The following COL22A1 variants were observed in gnomAD, a reference collection of about 807,000 sequenced individuals.
The protein encoded by COL22A1 is collagen alpha-1(XXII) chain.
In COL22A1, 221 loss-of-function variants were observed where a neutral mutation model predicts 248.9. The ratio of observed to expected loss-of-function variants is 0.89; its 90% CI spans 0.80 to 0.99. COL22A1 has a LOEUF of 0.99. Ranked by LOEUF, COL22A1 falls within the 50% of genes least tolerant of loss-of-function variation. The pLI is 0.00. For synonymous variants in COL22A1, 891 were observed against 793.4 expected (o/e 1.12, Z -2.07); for missense variants, 2,240 against 2,179.0 (o/e 1.03, Z -0.56).
chr8:138,907,561 C>T (rs1379376007), intron 1 of COL22A1, among the ~76,000 whole-genome samples: 1 of 152,246 alleles, frequency 6.6e-6, no homozygotes, highest in Admixed American at 6.5e-5. Context: ...CATCTATTTA[C>T]TTTCTCATTC....
intron 1 of COL22A1, among the ~76,000 whole-genome samples, chr8:138,901,358 G>GTTTTGTTTT (rs1814538491): frequency 7.6e-6 from 1 of 131,514 alleles, no homozygotes; most frequent in African/African-American, 2.8e-5. Flanking sequence ...TTACTGGCAG[G>GTTTTGTTTT]TTTTTTTTTT....
chr8:138,652,778 G>A (rs1265259281), intron 45 of COL22A1, among the ~76,000 whole-genome samples: 1 of 79,414 alleles, frequency 1.3e-5, no homozygotes, highest in African/African-American at 4.5e-5. Context: ...ACAGAGTCTT[G>A]CTCTGTCACC....
At chr8:138,835,004 G>C (rs558753753) in intron 4 of COL22A1, among the ~76,000 whole-genome samples, 1 of 152,248 alleles carries the variant, frequency 6.6e-6, no homozygotes, top group African/African-American at 2.4e-5. Context: ...AGTGAGCAGG[G>C]GCGGCACTGG....
intron 36 of COL22A1, 108 bp downstream of exon 36, chr8:138,690,713 A>AAGGGG: frequency 1.5e-5 from 12 of 819,888 alleles, no homozygotes; most frequent in Non-Finnish European, 2.2e-5. Flanking sequence ...AAATGGGAGT[A>AAGGGG]AGGATCCTCC....
At chr8:138,723,933 C>A (rs1830102327) in intron 25 of COL22A1, among the ~76,000 whole-genome samples, 1 of 152,190 alleles carries the variant, frequency 6.6e-6, no homozygotes, top group Non-Finnish European at 1.5e-5. Flanking sequence ...CGCCTCACCC[C>A]TCCTCCAGCA....
At chr8:138,821,873 T>A (rs1267572325) in intron 6 of COL22A1, among the ~76,000 whole-genome samples, 1 of 152,192 alleles carries the variant, frequency 6.6e-6, no homozygotes, top group Non-Finnish European at 1.5e-5. Flanking sequence ...TCTATTACCC[T>A]ACACTGTCTT....
At chr8:138,799,314 A>G (rs1176719076) in intron 11 of COL22A1, among the ~76,000 whole-genome samples, 1 of 152,144 alleles carries the variant, frequency 6.6e-6, no homozygotes, top group Non-Finnish European at 1.5e-5. Flanking sequence ...CGATATTTGT[A>G]TCCTCTCTCA....
intron 3 of COL22A1, among the ~76,000 whole-genome samples, chr8:138,846,086 G>C (rs16909683): frequency 0.055 from 8,361 of 152,148 alleles, 325 homozygotes; most frequent in East Asian, 0.19. Flanking sequence ...AAGCATCATG[G>C]AAGGGGTTAT....
chr8:138,694,861 C>T lies in COL22A1; in HGVS notation c.2611G>A (p.Gly871Arg). The T allele has an allele frequency of 6.2e-7, 1 of 1,614,062 alleles. No individual in the cohort carries two copies. The highest frequency in any genetic ancestry group is 8.5e-7 in the Non-Finnish European group (1 of 1,179,984). The change falls in exon 33 of 65, where the codon GGA becomes AGA. Residue 871 changes from glycine to arginine, a missense_variant. By Grantham distance (125) the Gly-to-Arg change is moderately radical. Transcript: ENST00000303045. ...GGCAGGCCTGGATCGCCCTTCTCTC[C>T]TTTGGGCCCTTGTTCTCCCTGTTGG... ...PRMPGEQGPK[G>R]EKGDPGLPGE...
intron 22 of COL22A1, among the ~76,000 whole-genome samples, chr8:138,749,348 A>C (rs1832399826): frequency 6.6e-6 from 1 of 152,326 alleles, no homozygotes; most frequent in South Asian, 2.1e-4. Flanking sequence ...TTAGATAAAG[A>C]TGTAGATTTT....
chr8:138,609,329 C>T (rs1280873328), intron 56 of COL22A1, among the ~76,000 whole-genome samples: 1 of 152,214 alleles, frequency 6.6e-6, no homozygotes, highest in Non-Finnish European at 1.5e-5. Flanking sequence ...CTCTGCCCCT[C>T]CTTAAGGACA....
At chr8:138,719,888 C>CGGGA (rs1563664034) in intron 27 of COL22A1, among the ~76,000 whole-genome samples, 1 of 152,188 alleles carries the variant, frequency 6.6e-6, no homozygotes, top group African/African-American at 2.4e-5. Context: ...CCCAGTAGAG[C>CGGGA]GGGAGCCCTG....
intron 41 of COL22A1, among the ~76,000 whole-genome samples, chr8:138,671,366 T>C (rs147916058): frequency 6.6e-6 from 1 of 152,178 alleles, no homozygotes; most frequent in African/African-American, 2.4e-5. Flanking sequence ...TAAAGAAACA[T>C]ACATGCAGCA....
intron 9 of COL22A1, 89 bp downstream of exon 9, chr8:138,811,710 C>A (rs575832799): frequency 1.3e-6 from 2 of 1,516,764 alleles, no homozygotes; most frequent in African/African-American, 2.7e-5. Flanking sequence ...CTGGTGCCCC[C>A]CTGACCTGAA....
intron 22 of COL22A1, among the ~76,000 whole-genome samples, chr8:138,738,755 G>A (rs1199573969): frequency 1.3e-5 from 2 of 152,138 alleles, no homozygotes; most frequent in Non-Finnish European, 2.9e-5. Flanking sequence ...GAATTAAAAG[G>A]GATGCTTTCT....
intron 1 of COL22A1, among the ~76,000 whole-genome samples, chr8:138,901,358 G>GT (rs146670099): frequency 0.55 from 71,864 of 130,686 alleles, 21,240 homozygotes; most frequent in East Asian, 0.79. Flanking sequence ...TTACTGGCAG[G>GT]TTTTTTTTTT....
chr8:138,893,868 T>C (rs1825224260), intron 1 of COL22A1, among the ~76,000 whole-genome samples: 1 of 152,192 alleles, frequency 6.6e-6, no homozygotes, highest in South Asian at 2.1e-4. Context: ...CATGGTGTCA[T>C]GGGAGCTGAG....
At chr8:138,875,735 C>T (rs781115133) in intron 3 of COL22A1, among the ~76,000 whole-genome samples, 4 of 152,166 alleles carry the variant, frequency 2.6e-5, no homozygotes, top group Non-Finnish European at 5.9e-5. Flanking sequence ...CAACTGAGGG[C>T]CCAACATGCC....
At chr8:138,814,091 C>T (rs1039418683) in intron 7 of COL22A1, among the ~76,000 whole-genome samples, 11 of 152,238 alleles carry the variant, frequency 7.2e-5, no homozygotes, top group African/African-American at 2.7e-4. Flanking sequence ...CAGGCCCTTT[C>T]GTGGGACACC....
Sources: gnomAD v4.1 joint callset for allele counts (sites outside exome capture counted in the v4.1 genomes callset) on GRCh38, gnomAD v4.1.1 for gene constraint, MANE v1.5 for transcripts, NCBI Gene and HGNC (gene_info 2026-07-23, HGNC 2026-07-21) for gene names.